PGS1: variants seen among roughly 807,000 people sequenced by gnomAD.
The protein encoded by PGS1 is phosphatidylglycerophosphate synthase 1.
Under a neutral mutation model 58.3 loss-of-function variants are expected in PGS1, and 44 were observed. The ratio of observed to expected loss-of-function variants is 0.75; its 90% CI spans 0.59 to 0.97. The LOEUF (loss-of-function observed/expected upper bound fraction) is 0.97. PGS1 is among the 50% of genes least tolerant of loss of function. The probability of loss-of-function intolerance (pLI) is 0.00; values close to 1 mark genes in which losing one functional copy is unlikely to be tolerated. For missense variants in PGS1, 684 were observed against 731.1 expected, an observed-to-expected ratio of 0.94 and a Z score of 0.74; for synonymous variants, 330 against 311.0, an observed-to-expected ratio of 1.06 and a Z score of -0.64.
chr17:78,387,204 A>C (rs1354454485), intron 1 of PGS1, among the ~76,000 whole-genome samples: 1 of 151,398 alleles, frequency 6.6e-6, no homozygotes, highest in Non-Finnish European at 1.5e-5. Context: ...GGGTTTTGCC[A>C]TGTTGGCTAG....
intron 7 of PGS1, among the ~76,000 whole-genome samples, chr17:78,410,527 G>A (rs1312176067): frequency 7.4e-6 from 1 of 135,432 alleles, no homozygotes; most frequent in Non-Finnish European, 1.5e-5. Flanking sequence ...AGGCTGGAAT[G>A]CAGTGGCGTG....
chr17:78,420,271 G>T, intron 9 of PGS1: 1 of 974,050 alleles, frequency 1.0e-6, no homozygotes, highest in Non-Finnish European at 1.2e-6. Flanking sequence ...GCCCACCCAG[G>T]AGGGGCCTGC....
intron 1 of PGS1, among the ~76,000 whole-genome samples, chr17:78,387,106 C>T (rs1409329451): frequency 6.6e-6 from 1 of 152,174 alleles, no homozygotes; most frequent in East Asian, 1.9e-4. Flanking sequence ...CAGGTTCAAC[C>T]AATTCTCCTG....
At chr17:78,386,090 A>G (rs568062879) in intron 1 of PGS1, among the ~76,000 whole-genome samples, 1 of 152,330 alleles carries the variant, frequency 6.6e-6, no homozygotes, top group South Asian at 2.1e-4. Flanking sequence ...ATTTGCCTGC[A>G]GATTCCACGG....
At chr17:78,413,174 G>A (rs773028090) in intron 7 of PGS1, among the ~76,000 whole-genome samples, 2 of 152,198 alleles carry the variant, frequency 1.3e-5, no homozygotes, top group Non-Finnish European at 2.9e-5. Flanking sequence ...CCCTTGGAGG[G>A]GTGGAGACGA....
In PGS1 at chr17:78,423,557, C is replaced by T. The variant is rs546659086; in HGVS notation, c.*11-504C>T. 8 of 294,982 alleles carry T rather than the reference C, an allele frequency of 2.7e-5. No homozygotes were observed. The South Asian group carries it at 3.0e-4, about 11-fold the overall frequency. The allele number at this position is 294,982 out of a possible 1,614,324, so 18.3% of individuals were successfully genotyped here. A position where few individuals can be genotyped will look rare whatever the true frequency, so the allele number is the denominator to read the frequency against. On this transcript the variant is annotated intron_variant, in intron 9 of 9. Transcript: ENST00000262764. ...ATGCTGCTCCTGTTAAAAGCAAACTCCACTGACCCCCCCGGGAAGTCAGGA... is the reference window on the plus strand; with the variant it reads ...ATGCTGCTCCTGTTAAAAGCAAACTTCACTGACCCCCCCGGGAAGTCAGGA...
chr17:78,419,301 G>A (rs904490999), intron 8 of PGS1, among the ~76,000 whole-genome samples: 3 of 152,206 alleles, frequency 2.0e-5, no homozygotes, highest in Non-Finnish European at 4.4e-5. Context: ...TTTAGCCACT[G>A]TGCCCAGCCC....
intron 6 of PGS1, among the ~76,000 whole-genome samples, chr17:78,403,228 C>G (rs1046446672): frequency 3.3e-5 from 5 of 152,024 alleles, no homozygotes; most frequent in South Asian, 2.1e-4. Context: ...GTATGTCCCC[C>G]CCAAGGAATT....
At chr17:78,410,256 C>T (rs900327703) in intron 7 of PGS1, among the ~76,000 whole-genome samples, 1 of 151,984 alleles carries the variant, frequency 6.6e-6, no homozygotes, top group Non-Finnish European at 1.5e-5. Flanking sequence ...TGGTGAAACC[C>T]CGTCTCTACT....
intron 9 of PGS1, chr17:78,423,632 G>A (rs2086176227): frequency 4.7e-6 from 2 of 427,858 alleles, no homozygotes; most frequent in South Asian, 3.2e-5. Flanking sequence ...GGGAATTGGG[G>A]CCTTTCCCCA....
chr17:78,412,077 A>G (rs1158238294), intron 7 of PGS1, among the ~76,000 whole-genome samples: 5 of 151,952 alleles, frequency 3.3e-5, no homozygotes, highest in Admixed American at 1.3e-4. Context: ...ACCAATGGCT[A>G]AAACTGACTT....
At chr17:78,415,730 T>C (rs1217744658) in intron 8 of PGS1, among the ~76,000 whole-genome samples, 1 of 152,234 alleles carries the variant, frequency 6.6e-6, no homozygotes, top group Non-Finnish European at 1.5e-5. Flanking sequence ...CAGGAGTTGG[T>C]GAATGCTTCG....
chr17:78,421,946 C>A (rs372190811), intron 9 of PGS1: 1 of 133,500 alleles, frequency 7.5e-6, no homozygotes, highest in Non-Finnish European at 1.6e-5. Flanking sequence ...TTTCTAGGTG[C>A]GCGGGGCTGT....
At chr17:78,423,574 A>G (rs944508922) in intron 9 of PGS1, 29 of 312,294 alleles carry the variant, frequency 9.3e-5, no homozygotes, top group Non-Finnish European at 1.5e-4. Context: ...CCCCCCCGGG[A>G]AGTCAGGATT....
intron 2 of PGS1, 148 bp from the exon 3 acceptor site, chr17:78,396,160 C>A: frequency 1.5e-6 from 1 of 650,700 alleles, no homozygotes. Context: ...TTACCATACA[C>A]GTTTCGAGCT....
At position 78,383,330 on chromosome 17, in the gene PGS1, G is replaced by A. The variant is rs147365563; in HGVS notation, c.143+4522G>A. Among the ~76,000 whole-genome samples the A allele has an allele frequency of 1.4e-3, 219 of 152,040 alleles. 2 individuals are homozygous for A. Among genetic ancestry groups the A allele is most frequent in the African/African-American group, 4.8e-3 (201 of 41,456 alleles). ...CAACCTCTGCCTCCTGGCTTCAAGCGATTCTCCTGCCTCAGCCTCTCGAGT... is the reference window on the plus strand; with the variant it reads ...CAACCTCTGCCTCCTGGCTTCAAGCAATTCTCCTGCCTCAGCCTCTCGAGT... On this transcript the variant is annotated intron_variant, in intron 1 of 9. Coordinates refer to ENST00000262764, the MANE Select transcript of PGS1 (RefSeq NM_024419.5).
chr17:78,419,867 G>A, intron 9 of PGS1, 192 bp downstream of exon 9: 3 of 1,341,598 alleles, frequency 2.2e-6, no homozygotes, highest in Non-Finnish European at 2.9e-6. Context: ...TAGGCAGTCT[G>A]TTCACTTTCC....
chr17:78,411,066 G>A (rs1040866063), intron 7 of PGS1, among the ~76,000 whole-genome samples: 1 of 152,186 alleles, frequency 6.6e-6, no homozygotes, highest in Non-Finnish European at 1.5e-5. Flanking sequence ...TTACAAGGGG[G>A]CTCAGGGAGG....
intron 8 of PGS1, among the ~76,000 whole-genome samples, chr17:78,417,783 G>A (rs2085325166): frequency 6.6e-6 from 1 of 151,768 alleles, no homozygotes; most frequent in Non-Finnish European, 1.5e-5. Context: ...CAGTGGAGGA[G>A]AGAGGGCTAG....
Sources: allele counts gnomAD v4.1 joint callset (sites outside exome capture counted in the v4.1 genomes callset), GRCh38; gene constraint gnomAD v4.1.1; transcripts MANE v1.5; gene names NCBI Gene and HGNC (gene_info 2026-07-23, HGNC 2026-07-21).